Variants in SULT2B1 observed in about 807,000 individuals in gnomAD.
SULT2B1 encodes sulfotransferase family 2B member 1.
A neutral mutation model predicts 33.2 loss-of-function variants in SULT2B1; 16 were observed. The ratio of observed to expected loss-of-function variants is 0.48; its 90% CI spans 0.33 to 0.73. SULT2B1 has a LOEUF of 0.73. Among genes scored for constraint, SULT2B1 ranks in the 30% least tolerant of loss-of-function variants. SULT2B1 has a pLI of 0.02. For missense variants in SULT2B1, 500 were observed against 506.0 expected (o/e 0.99, Z 0.11); for synonymous variants, 186 against 200.5 (o/e 0.93, Z 0.61).
In SULT2B1 at chr19:48,587,111, T is replaced by TAAA. The variant is rs34482710; in HGVS notation, c.215-111_215-109dup. On this transcript the variant is annotated intron_variant, in intron 2 of 6. Coordinates refer to ENST00000201586, the MANE Select transcript of SULT2B1 (RefSeq NM_177973.2). ...TGGGCAACAGAGTAAGACTCTGTCTTAAAAAAAAATAATAAAAGGTGGCAA... is the reference window on the plus strand; with the variant it reads ...TGGGCAACAGAGTAAGACTCTGTCTTAAAAAAAAAAAATAATAAAAGGTGGCAA... 241 of 645,140 alleles carry TAAA rather than the reference T, an allele frequency of 3.7e-4. 1 individual carries two copies. Among genetic ancestry groups the TAAA allele is most frequent in the African/African-American group, 3.7e-3 (206 of 55,184 alleles). The allele number at this position is 645,140 out of a possible 1,614,324, so 40.0% of individuals were successfully genotyped here. A position where few individuals can be genotyped will look rare whatever the true frequency, so the allele number is the denominator to read the frequency against.
chr19:48,563,519 CATT>C (rs556861884), intron 1 of SULT2B1, among the ~76,000 whole-genome samples: 1 of 152,156 alleles, frequency 6.6e-6, no homozygotes, highest in Non-Finnish European at 1.5e-5. Context: ...ATGTCAGAAA[CATT>C]ATGCTAGGCA....
chr19:48,575,729 C>T (rs893990236), intron 1 of SULT2B1: 3 of 781,618 alleles, frequency 3.8e-6, no homozygotes, highest in Middle Eastern at 3.9e-4. Flanking sequence ...GATCCACCCA[C>T]CTCTGTCTCC....
chr19:48,586,393 C>G (rs1258652068), intron 2 of SULT2B1, among the ~76,000 whole-genome samples: 1 of 152,114 alleles, frequency 6.6e-6, no homozygotes, highest in Non-Finnish European at 1.5e-5. Flanking sequence ...TGGTTCCTTC[C>G]ATCTTATGGC....
intron 5 of SULT2B1, 111 bp downstream of exon 5, chr19:48,592,927 G>A (rs1267286248): frequency 5.6e-6 from 5 of 896,450 alleles, no homozygotes; most frequent in African/African-American, 1.6e-5. Context: ...CATGCAATGC[G>A]CCAGCCCCTG....
chr19:48,577,350 G>GTTTTT (rs1568408872), intron 2 of SULT2B1, among the ~76,000 whole-genome samples: 2 of 42,708 alleles, frequency 4.7e-5, no homozygotes, highest in African/African-American at 8.5e-5. Context: ...CCACTGAGCC[G>GTTTTT]TCTTTTTTTT....
At chr19:48,558,560 C>T (rs1367724818) in intron 1 of SULT2B1, among the ~76,000 whole-genome samples, 2 of 152,078 alleles carry the variant, frequency 1.3e-5, no homozygotes, top group East Asian at 3.9e-4. Context: ...CGAGGAGGGG[C>T]CAGCTCTGGT....
intron 6 of SULT2B1, 108 bp downstream of exon 6, chr19:48,597,027 T>A: frequency 8.1e-7 from 1 of 1,234,462 alleles, no homozygotes; most frequent in Non-Finnish European, 1.1e-6. Context: ...GCTGTAACAT[T>A]GGGTGAACAG....
intron 2 of SULT2B1, among the ~76,000 whole-genome samples, chr19:48,576,357 C>CTTTTTTTTTTTTTTTTTTT (rs59055065): frequency 8.7e-6 from 1 of 114,846 alleles, no homozygotes; most frequent in African/African-American, 3.3e-5. Context: ...CCCTCTACTT[C>CTTTTTTTTTTTTTTTTTTT]TCTTTTTTTT....
rs552821432 is a variant in SULT2B1, at chr19:48,560,243, A to G, written c.71+7920A>G. Among the ~76,000 whole-genome samples the G allele has an allele frequency of 2.0e-5, 3 of 152,236 alleles. No homozygotes were observed. In the East Asian group the frequency reaches 5.8e-4, roughly 29 times the overall value. On this transcript the variant is annotated intron_variant, in intron 1 of 6. Transcript: ENST00000201586. ...TAGCAAGGGAGGGGATGGGTGAGGAATGATAATAATGATGAGCTTCCTGAG... is the reference window on the plus strand; with the variant it reads ...TAGCAAGGGAGGGGATGGGTGAGGAGTGATAATAATGATGAGCTTCCTGAG...
intron 1 of SULT2B1, among the ~76,000 whole-genome samples, chr19:48,554,954 G>C (rs1973078670): frequency 1.3e-5 from 2 of 152,032 alleles, no homozygotes; most frequent in African/African-American, 4.8e-5. Flanking sequence ...AGGGAATTTA[G>C]GGATGATGAG....
rs149157128 is a variant in SULT2B1, at chr19:48,579,605, C to CTTT, written c.214+3538_214+3540dup. The stretch of plus-strand genomic sequence containing the variant: ...CCTTTTTCTTTTCTTTTCTTTCTTT[C>CTTT]TTTTTTTTTTTTTTTTTTGAGACGA... On this transcript the variant is annotated intron_variant, in intron 2 of 6. Transcript: ENST00000201586. Among the ~76,000 whole-genome samples the CTTT allele has an allele frequency of 3.3e-3, 261 of 79,718 alleles. 5 individuals are homozygous for CTTT. Among genetic ancestry groups the CTTT allele is most frequent in the African/African-American group, 6.7e-3 (133 of 19,974 alleles). 52.3% of individuals were successfully genotyped at this position (79,718 alleles called of 152,430 possible).
intron 3 of SULT2B1, among the ~76,000 whole-genome samples, chr19:48,588,443 C>T (rs1273735475): frequency 1.0e-4 from 15 of 150,384 alleles, no homozygotes; most frequent in Non-Finnish European, 1.8e-4. Flanking sequence ...ACCCAGGAGG[C>T]GGAGGTTGTG....
chr19:48,589,007 A>C (rs956437627), intron 3 of SULT2B1, among the ~76,000 whole-genome samples: 2 of 152,234 alleles, frequency 1.3e-5, no homozygotes, highest in African/African-American at 4.8e-5. Context: ...GTGACGAGGC[A>C]GCGCGGCAGG....
chr19:48,589,901 A>G (rs1375239576), intron 3 of SULT2B1, among the ~76,000 whole-genome samples: 2 of 152,238 alleles, frequency 1.3e-5, no homozygotes, highest in Admixed American at 6.5e-5. Flanking sequence ...TTCAGGCTGC[A>G]GTGAGCCATG....
intron 2 of SULT2B1, among the ~76,000 whole-genome samples, chr19:48,579,430 C>G (rs554001242): frequency 6.6e-6 from 1 of 151,484 alleles, no homozygotes; most frequent in Admixed American, 6.6e-5. Flanking sequence ...CTACAGGCGC[C>G]CACCACCATA....
intron 1 of SULT2B1, among the ~76,000 whole-genome samples, chr19:48,558,810 G>C (rs1282978642): frequency 1.3e-5 from 2 of 149,780 alleles, no homozygotes; most frequent in African/African-American, 5.0e-5. Context: ...TCAGCCTCCT[G>C]AGTAGCTGGG....
intron 2 of SULT2B1, among the ~76,000 whole-genome samples, chr19:48,581,329 C>A (rs1463193246): frequency 1.3e-5 from 2 of 151,664 alleles, no homozygotes; most frequent in African/African-American, 4.8e-5. Context: ...CAGGCATGAG[C>A]CACCGCACCT....
chr19:48,579,979 A>C (rs1352544550), intron 2 of SULT2B1, among the ~76,000 whole-genome samples: 1 of 151,984 alleles, frequency 6.6e-6, no homozygotes, highest in East Asian at 1.9e-4. Context: ...GCTGGAGTGC[A>C]GTGGTGCAGT....
rs1171664376 is a variant in SULT2B1, at chr19:48,596,801, A to C, written c.708A>C (p.Ala236=). 5 of 1,609,786 alleles carry C rather than the reference A, an allele frequency of 3.1e-6. No homozygotes were observed. The highest frequency in any genetic ancestry group is 1.3e-5 in the African/African-American group (1 of 74,932). Residue 236 remains alanine (A), a synonymous_variant, in exon 6 of 7, where the codon GCA becomes GCC. Coordinates refer to ENST00000201586, the MANE Select transcript of SULT2B1 (RefSeq NM_177973.2). ...TGGGCCGTCCGCTGGGCAAGGAGGC[A>C]CTGGGCTCCGTCGTGGCACACTCAA... is the stretch of plus-strand genomic sequence containing the variant. ...GFLGRPLGKE[A]LGSVVAHSTF... is the part of the protein sequence containing the mutation.
Sources: gnomAD v4.1 joint callset for allele counts (sites outside exome capture counted in the v4.1 genomes callset) on GRCh38, gnomAD v4.1.1 for gene constraint, MANE v1.5 for transcripts, NCBI Gene and HGNC (gene_info 2026-07-23, HGNC 2026-07-21) for gene names.